Variants in RSF1 observed in about 807,000 individuals in gnomAD.
The protein encoded by RSF1 is HBV pX-associated protein 8.
Under a neutral mutation model 145.2 loss-of-function variants are expected in RSF1, and 13 were observed. The ratio of observed to expected loss-of-function variants is 0.09; its 90% CI spans 0.06 to 0.14. RSF1 has a LOEUF of 0.14. RSF1 is among the 10% of genes least tolerant of loss of function. The probability of loss-of-function intolerance (pLI) is 1.00; values close to 1 mark genes in which losing one functional copy is unlikely to be tolerated. For synonymous variants in RSF1, 577 were observed against 592.6 expected (o/e 0.97, Z 0.38); for missense variants, 1,517 against 1,718.2 (o/e 0.88, Z 2.07).
chr11:77,775,333 T>C (rs900892324), intron 1 of RSF1, among the ~76,000 whole-genome samples: 1 of 151,600 alleles, frequency 6.6e-6, no homozygotes, highest in Non-Finnish European at 1.5e-5. Flanking sequence ...TATATTAATA[T>C]GCAGGAAGTG....
chr11:77,756,906 A>G (rs1948121768), intron 2 of RSF1, among the ~76,000 whole-genome samples: 2 of 152,222 alleles, frequency 1.3e-5, no homozygotes, highest in Non-Finnish European at 2.9e-5. Flanking sequence ...TCCAGAGAGG[A>G]AGAGACAATC....
chr11:77,765,366 G>C (rs185285520), intron 1 of RSF1, among the ~76,000 whole-genome samples: 5 of 152,286 alleles, frequency 3.3e-5, no homozygotes, highest in African/African-American at 1.2e-4. Flanking sequence ...TGTCTGATGT[G>C]TTAAACTTCT....
the RSF1 span, among the ~76,000 whole-genome samples, chr11:77,856,195 C>T: frequency 6.6e-6 from 1 of 152,340 alleles, no homozygotes; most frequent in East Asian, 1.9e-4. Context: ...ATCTCTAGGG[C>T]AGGGGCACAA....
intron 2 of RSF1, among the ~76,000 whole-genome samples, chr11:77,750,007 C>A (rs7118800): frequency 0.77 from 116,256 of 151,874 alleles, 44,726 homozygotes; most frequent in South Asian, 0.9. Context: ...TTGGCATCCC[C>A]AAGTGCTGGG....
Position 77,660,798 on chromosome 11 carries a change from T to C in RSF1, c.*6119A>G, listed in dbSNP as rs897737599. 2 of 144,968 alleles carry C rather than the reference T, an allele frequency of 1.4e-5. No homozygotes were observed. The highest frequency in any genetic ancestry group is 3.0e-5 in the Non-Finnish European group (2 of 67,234). The allele number at this position is 144,968 out of a possible 1,614,324, so 9.0% of individuals were successfully genotyped here. A position where few individuals can be genotyped will look rare whatever the true frequency, so the allele number is the denominator to read the frequency against. ...CTTCTGAATGAGGATAGCAAAAAAC[T>C]GACGCTGGCAACACATGAATATAGC... On this transcript the variant is annotated 3_prime_UTR_variant, in exon 16 of 16. Coordinates refer to ENST00000308488, the MANE Select transcript of RSF1 (RefSeq NM_016578.4).
intron 5 of RSF1, 151 bp downstream of exon 5, chr11:77,725,394 T>C (rs1961029864): frequency 5.5e-6 from 3 of 550,450 alleles, no homozygotes; most frequent in Non-Finnish European, 8.3e-6. Flanking sequence ...GGCCTCATTT[T>C]CTTTAAATTA....
chr11:77,853,996 T>C, the RSF1 span, among the ~76,000 whole-genome samples: 1 of 146,630 alleles, frequency 6.8e-6, no homozygotes, highest in Non-Finnish European at 1.5e-5. Context: ...CCAAATTCTT[T>C]TTTTTTTTTT....
At chr11:77,753,371 T>C (rs1249573501) in intron 2 of RSF1, among the ~76,000 whole-genome samples, 3 of 152,158 alleles carry the variant, frequency 2.0e-5, no homozygotes, top group Admixed American at 6.5e-5. Context: ...GGCTTAAACT[T>C]TGGGAGACAT....
chr11:77,670,346 A>C (rs948702396), intron 15 of RSF1, among the ~76,000 whole-genome samples: 14 of 152,176 alleles, frequency 9.2e-5, no homozygotes, highest in Admixed American at 9.2e-4. Flanking sequence ...CTTTTAGATA[A>C]GTGCATGACT....
At chr11:77,834,235 G>T in the RSF1 span, among the ~76,000 whole-genome samples, 4 of 152,088 alleles carry the variant, frequency 2.6e-5, no homozygotes, top group Admixed American at 2.6e-4. Context: ...TCACTTAATG[G>T]TTAGGGAAGC....
At chr11:77,720,524 T>G (rs945232199) in intron 5 of RSF1, among the ~76,000 whole-genome samples, 6 of 152,198 alleles carry the variant, frequency 3.9e-5, no homozygotes, top group African/African-American at 1.4e-4. Context: ...AGGGTATAAA[T>G]GACACCAAAC....
chr11:77,839,734 G>C, the RSF1 span, among the ~76,000 whole-genome samples: 64,260 of 151,862 alleles, frequency 0.42, 14,108 homozygotes, highest in African/African-American at 0.53. Context: ...AAACTGAACA[G>C]CACATGTTCT....
chr11:77,758,254 A>G (rs1948135793), intron 2 of RSF1, among the ~76,000 whole-genome samples: 1 of 152,230 alleles, frequency 6.6e-6, no homozygotes. Context: ...TCCATTTTTA[A>G]GCGGATATCC....
chr11:77,791,824 G>C (rs1044180542), intron 1 of RSF1, among the ~76,000 whole-genome samples: 1 of 152,022 alleles, frequency 6.6e-6, no homozygotes, highest in Non-Finnish European at 1.5e-5. Flanking sequence ...TCAGGCTTTT[G>C]GTCAAAGCCA....
chr11:77,816,207 G>T (rs570926738), intron 1 of RSF1, among the ~76,000 whole-genome samples: 5 of 152,292 alleles, frequency 3.3e-5, no homozygotes, highest in African/African-American at 1.2e-4. Flanking sequence ...ATTAATGTAT[G>T]TATGCCCTAC....
chr11:77,667,347 C>T lies in RSF1; in HGVS notation c.3896G>A (p.Arg1299Gln), dbSNP rs1959391454. 1 of 1,613,962 alleles carries T rather than the reference C, an allele frequency of 6.2e-7. No individual in the cohort carries two copies. The highest frequency in any genetic ancestry group is 8.5e-7 in the Non-Finnish European group (1 of 1,179,922). The change falls in exon 16 of 16, where the codon CGG becomes CAG. Residue 1299 changes from arginine to glutamine, a missense_variant. Physicochemically the swap from Arg to Gln is conservative, Grantham distance 43 (BLOSUM62 1). Transcript: ENST00000308488. ...CTCATCCGTCTCAATCCGGTGTAGC[C>T]GTTTGCGGGATGGTTTGCCTTCCTC... ...EEEEGKPSRK[R>Q]LHRIETDEEE... is the part of the protein sequence containing the mutation.
chr11:77,791,026 G>A (rs1371589168), intron 1 of RSF1, among the ~76,000 whole-genome samples: 1 of 152,188 alleles, frequency 6.6e-6, no homozygotes, highest in Admixed American at 6.5e-5. Context: ...GCCCCAGGTA[G>A]GGGATCTGTG....
At chr11:77,766,228 G>T (rs1308336416) in intron 1 of RSF1, among the ~76,000 whole-genome samples, 1 of 151,980 alleles carries the variant, frequency 6.6e-6, no homozygotes, top group African/African-American at 2.4e-5. Context: ...TCCAAAATAG[G>T]TACATAATCT....
intron 1 of RSF1, among the ~76,000 whole-genome samples, chr11:77,815,703 T>C (rs1948774857): frequency 6.6e-6 from 1 of 152,222 alleles, no homozygotes; most frequent in Non-Finnish European, 1.5e-5. Flanking sequence ...TATTTCTTAC[T>C]AGATTAGAAA....
Sources: gnomAD v4.1 joint callset for allele counts (sites outside exome capture counted in the v4.1 genomes callset) on GRCh38, gnomAD v4.1.1 for gene constraint, MANE v1.5 for transcripts, NCBI Gene and HGNC (gene_info 2026-07-23, HGNC 2026-07-21) for gene names.